The following NRG3 variants were observed in gnomAD, a reference collection of about 807,000 sequenced individuals.
NRG3 encodes the protein neuregulin 3.
NRG3 carries 31 observed loss-of-function variants against 66.9 expected under a neutral mutation model. The ratio of observed to expected loss-of-function variants is 0.46; its 90% CI spans 0.35 to 0.63. The LOEUF is 0.63. Ranked by LOEUF, NRG3 falls within the 20% of genes least tolerant of loss-of-function variation. NRG3 has a pLI of 0.00. For missense variants in NRG3, 910 were observed against 878.9 expected (o/e 1.04, Z -0.45); for synonymous variants, 393 against 359.4 (o/e 1.09, Z -1.06).
chr10:82,774,335 G>A (rs1591481458), intron 3 of NRG3, among the ~76,000 whole-genome samples: 1 of 152,124 alleles, frequency 6.6e-6, no homozygotes, highest in South Asian at 2.1e-4. Context: ...AAGAGTTTGA[G>A]AAGGATTGGC....
intron 1 of NRG3, among the ~76,000 whole-genome samples, chr10:82,054,407 G>C (rs2063740103): frequency 6.6e-6 from 1 of 152,146 alleles, no homozygotes; most frequent in Non-Finnish European, 1.5e-5. Context: ...ATGACTCGAA[G>C]ACTTTGTGCA....
At chr10:82,431,123 C>G (rs544251623) in intron 2 of NRG3, among the ~76,000 whole-genome samples, 2 of 152,204 alleles carry the variant, frequency 1.3e-5, no homozygotes, top group South Asian at 4.1e-4. Context: ...CTATGAAAAA[C>G]AATTGCCTCC....
intron 2 of NRG3, among the ~76,000 whole-genome samples, chr10:82,657,200 T>C (rs1216880908): frequency 1.3e-5 from 2 of 152,088 alleles, no homozygotes; most frequent in African/African-American, 4.8e-5. Flanking sequence ...TTCTATATAA[T>C]ATAGCATTTA....
chr10:82,933,027 A>G (rs974521323), intron 4 of NRG3, among the ~76,000 whole-genome samples: 5 of 151,840 alleles, frequency 3.3e-5, no homozygotes, highest in African/African-American at 9.7e-5. Flanking sequence ...AAATCTTTAA[A>G]TGAGTCATGA....
At chr10:82,529,144 A>G (rs1418155830) in intron 2 of NRG3, among the ~76,000 whole-genome samples, 1 of 152,240 alleles carries the variant, frequency 6.6e-6, no homozygotes, top group Non-Finnish European at 1.5e-5. Context: ...ATCATAGCTA[A>G]ATCTCTCTTT....
intron 1 of NRG3, among the ~76,000 whole-genome samples, chr10:82,316,444 AAAG>A (rs745569984): frequency 6.6e-6 from 1 of 152,186 alleles, no homozygotes; most frequent in Non-Finnish European, 1.5e-5. Flanking sequence ...TAGAAAATTG[AAAG>A]AACACTGACC....
intron 2 of NRG3, among the ~76,000 whole-genome samples, chr10:82,481,207 T>C (rs906246847): frequency 1.3e-5 from 2 of 152,240 alleles, no homozygotes; most frequent in South Asian, 2.1e-4. Flanking sequence ...CTCTATCATA[T>C]TTAACTGCGT....
intron 2 of NRG3, among the ~76,000 whole-genome samples, chr10:82,566,795 T>A (rs781159000): frequency 7.9e-5 from 12 of 151,880 alleles, no homozygotes; most frequent in Non-Finnish European, 1.6e-4. Flanking sequence ...CAATAAAAAA[T>A]TTTTCTAAAT....
At chr10:81,947,035 C>T (rs1848904326) in intron 1 of NRG3, among the ~76,000 whole-genome samples, 1 of 152,138 alleles carries the variant, frequency 6.6e-6, no homozygotes, top group African/African-American at 2.4e-5. Context: ...GTCTGGAGTC[C>T]AGGCAGGGTA....
At chr10:82,916,744 T>C (rs552290081) in intron 4 of NRG3, among the ~76,000 whole-genome samples, 49 of 152,198 alleles carry the variant, frequency 3.2e-4, no homozygotes, top group African/African-American at 1.1e-3. Flanking sequence ...GCCTCCCCAG[T>C]ACCTAGGTCT....
intron 2 of NRG3, among the ~76,000 whole-genome samples, chr10:82,427,611 A>T (rs1446225802): frequency 6.6e-6 from 1 of 151,976 alleles, no homozygotes; most frequent in African/African-American, 2.4e-5. Flanking sequence ...TGTATTTTGT[A>T]TGTCTATGTT....
In NRG3 at chr10:82,613,619, TAC is replaced by T. The variant is rs373636543; in HGVS notation, c.954-124956_954-124955del. On this transcript the variant is annotated intron_variant, in intron 2 of 8. Transcript: ENST00000372141. Reference sequence around the variant, plus strand: ...ATATTTTGATATTATCCCAAATAGATACAGTTGTGATATTTTCATAGTTTAAC... The same window carrying T: ...ATATTTTGATATTATCCCAAATAGATAGTTGTGATATTTTCATAGTTTAAC... Among the ~76,000 whole-genome samples, 126 of 151,972 alleles carry T rather than the reference TAC, an allele frequency of 8.3e-4. 1 individual carries two copies. In the East Asian group the frequency reaches 0.011, roughly 13 times the overall value.
chr10:82,922,807 T>A (rs752264356), intron 4 of NRG3, among the ~76,000 whole-genome samples: 2 of 152,186 alleles, frequency 1.3e-5, no homozygotes, highest in African/African-American at 2.4e-5. Flanking sequence ...ATAGCCAAGT[T>A]GAAATTATCA....
chr10:82,726,303 C>T (rs1022865472), intron 2 of NRG3, among the ~76,000 whole-genome samples: 1 of 152,196 alleles, frequency 6.6e-6, no homozygotes, highest in Non-Finnish European at 1.5e-5. Context: ...CAAGCATAGT[C>T]ATTACCTTAG....
At chr10:82,827,633 A>G (rs2062302643) in intron 3 of NRG3, among the ~76,000 whole-genome samples, 1 of 152,208 alleles carries the variant, frequency 6.6e-6, no homozygotes, top group Admixed American at 6.5e-5. Context: ...TGATGTTTTT[A>G]AAGATTAAAA....
Position 82,624,160 on chromosome 10 carries a change from G to A in NRG3, c.954-114417G>A, listed in dbSNP as rs919465853. Among the ~76,000 whole-genome samples the A allele has an allele frequency of 2.4e-4, 37 of 152,070 alleles. 1 individual carries two copies. The highest frequency in any genetic ancestry group is 2.1e-3 in the Admixed American group (32 of 15,246). On this transcript the variant is annotated intron_variant, in intron 2 of 8. Transcript: ENST00000372141. ...CTGCATTATTGTAAAATTTAAATGA[G>A]ATAATATTCATAAAAGCCCTCCAGC...
chr10:82,907,901 T>C (rs1447502099), intron 4 of NRG3, among the ~76,000 whole-genome samples: 1 of 152,162 alleles, frequency 6.6e-6, no homozygotes, highest in Non-Finnish European at 1.5e-5. Context: ...ATGTAGGCAA[T>C]GTTTTGCCTG....
chr10:82,754,534 A>G (rs879011265), intron 3 of NRG3, among the ~76,000 whole-genome samples: 4 of 146,598 alleles, frequency 2.7e-5, no homozygotes, highest in Admixed American at 6.7e-5. Context: ...GAAAGGGGGG[A>G]AAAGAAAAAA....
chr10:82,513,299 T>A (rs951905193), intron 2 of NRG3, among the ~76,000 whole-genome samples: 14 of 152,342 alleles, frequency 9.2e-5, no homozygotes, highest in Admixed American at 9.2e-4. Flanking sequence ...TTCCTTTTTA[T>A]GGCTGCATAG....
Sources: gnomAD v4.1 joint callset for allele counts (sites outside exome capture counted in the v4.1 genomes callset) on GRCh38, gnomAD v4.1.1 for gene constraint, MANE v1.5 for transcripts, NCBI Gene and HGNC (gene_info 2026-07-23, HGNC 2026-07-21) for gene names.